Variants in KL observed in about 807,000 individuals in gnomAD.
KL encodes klotho.
In KL, 62 loss-of-function variants were observed where a neutral mutation model predicts 84.2. That is an observed-to-expected ratio of 0.74 (90% CI 0.60 to 0.91). The LOEUF (loss-of-function observed/expected upper bound fraction) is 0.91, where lower values mean the gene tolerates loss of function less well. KL is among the 40% of genes least tolerant of loss of function. The probability of loss-of-function intolerance (pLI) is 0.00; values close to 1 mark genes in which losing one functional copy is unlikely to be tolerated. For synonymous variants in KL, 528 were observed against 528.0 expected, an observed-to-expected ratio of 1.00 and a Z score of 0.00; for missense variants, 1,261 against 1,305.7, an observed-to-expected ratio of 0.97 and a Z score of 0.53.
chr13:33,060,335 A>T (rs566378966), intron 3 of KL, among the ~76,000 whole-genome samples: 1 of 152,102 alleles, frequency 6.6e-6, no homozygotes, highest in East Asian at 1.9e-4. Flanking sequence ...GATTTCTTAC[A>T]TTAAAAGAAA....
chr13:33,048,649 T>G (rs1448312935), intron 1 of KL, among the ~76,000 whole-genome samples: 1 of 152,202 alleles, frequency 6.6e-6, no homozygotes, highest in Non-Finnish European at 1.5e-5. Flanking sequence ...TTCTTCCTTT[T>G]CAGCTCAGCA....
chr13:33,047,561 C>T (rs1448576833), intron 1 of KL, among the ~76,000 whole-genome samples: 1 of 152,144 alleles, frequency 6.6e-6, no homozygotes, highest in Non-Finnish European at 1.5e-5. Flanking sequence ...AACTCCTGAC[C>T]TCGTGATCCA....
At chr13:33,060,648 G>A (rs751850147) in intron 3 of KL, 31 bp from the exon 4 acceptor site, 13 of 1,613,858 alleles carry the variant, frequency 8.1e-6, no homozygotes, top group Non-Finnish European at 1.0e-5. Context: ...GACTGCCCAG[G>A]TGACGCTAAT....
In KL at chr13:33,016,781, C is replaced by G. The variant is rs765806592; in HGVS notation, c.341C>G (p.Pro114Arg). Residue 114 changes from proline (P) to arginine (R), a missense_variant, in exon 1 of 5, where the codon CCG (proline) becomes CGG (arginine). Physicochemically the swap from Pro to Arg is moderately radical, Grantham distance 103. Coordinates refer to ENST00000380099, the MANE Select transcript of KL (RefSeq NM_004795.4). The part of the protein sequence containing the change: ...SRNASLPLGA[P>R]SPLQPATGDV... ...AACGCCAGTCTGCCGTTGGGCGCCC[C>G]GTCGCCGCTGCAGCCCGCCACCGGG... 13 of 1,611,810 alleles carry G rather than the reference C, an allele frequency of 8.1e-6. No individual in the cohort carries two copies. Among genetic ancestry groups the G allele is most frequent in the South Asian group, 1.1e-5 (1 of 90,960 alleles).
At chr13:33,040,504 C>T (rs1871300043) in intron 1 of KL, among the ~76,000 whole-genome samples, 2 of 152,232 alleles carry the variant, frequency 1.3e-5, no homozygotes, top group South Asian at 2.1e-4. Flanking sequence ...GGGCCCTTTT[C>T]TTAGATAGGG....
chr13:33,057,449 G>T (rs1008198922), intron 3 of KL, among the ~76,000 whole-genome samples: 3 of 152,190 alleles, frequency 2.0e-5, no homozygotes, highest in African/African-American at 4.8e-5. Flanking sequence ...GCAGTGAATA[G>T]CAAGGGAGAT....
chr13:33,041,190 A>T (rs911020011), intron 1 of KL, among the ~76,000 whole-genome samples: 1 of 152,056 alleles, frequency 6.6e-6, no homozygotes, highest in African/African-American at 2.4e-5. Context: ...CAATCACTCT[A>T]TGTACTGGGA....
intron 1 of KL, among the ~76,000 whole-genome samples, chr13:33,029,708 A>T (rs1870904585): frequency 6.6e-6 from 1 of 151,970 alleles, no homozygotes; most frequent in Non-Finnish European, 1.5e-5. Context: ...ATCTCGGCTC[A>T]CTCCAAGCTC....
rs531999792 is a variant in KL, at chr13:33,038,426, T to C, written c.820-15341T>C. Among the ~76,000 whole-genome samples the C allele has an allele frequency of 2.0e-5, 3 of 152,332 alleles. No homozygotes were observed. In the South Asian group the frequency reaches 6.2e-4, roughly 32 times the overall value. ...GGATATTTTAAAGGCTCTTTTCCCC[T>C]AACCCATCTGCCCCAGAGGTGGCAC... On this transcript the variant is annotated intron_variant, in intron 1 of 4. Transcript: ENST00000380099.
In KL at chr13:33,053,832, C is replaced by G. The variant is rs1428482015; in HGVS notation, c.885C>G (p.Ser295=). The G allele has an allele frequency of 1.2e-6, 2 of 1,613,936 alleles. No individual in the cohort carries two copies. The highest frequency in any genetic ancestry group is 1.7e-5 in the Admixed American group (1 of 60,002). The part of the protein sequence containing the change: ...SFRPTQGGQV[S]IALSSHWINP... ...GTCCCACTCAGGGAGGTCAGGTGTC[C>G]ATTGCCCTAAGCTCTCACTGGATCA... Residue 295 remains serine (S), a synonymous_variant, in exon 2 of 5, where the codon TCC becomes TCG. Transcript: ENST00000380099.
At chr13:33,017,432 T>G (rs1041529659) in intron 1 of KL, among the ~76,000 whole-genome samples, 173 bp downstream of exon 1, 1 of 152,180 alleles carries the variant, frequency 6.6e-6, no homozygotes, top group African/African-American at 2.4e-5. Flanking sequence ...GGCGTGGAAT[T>G]AGGAGAGAAA....
At chr13:33,057,487 T>C (rs964011924) in intron 3 of KL, among the ~76,000 whole-genome samples, 4 of 152,136 alleles carry the variant, frequency 2.6e-5, no homozygotes, top group African/African-American at 7.2e-5. Flanking sequence ...CCTACTACAC[T>C]CTAGAAGCTA....
intron 1 of KL, among the ~76,000 whole-genome samples, chr13:33,032,932 T>C (rs1331117025): frequency 6.6e-6 from 1 of 151,664 alleles, no homozygotes; most frequent in Admixed American, 6.5e-5. Context: ...TTCCTTCCTC[T>C]GAATCGCCAT....
chr13:33,030,076 G>A (rs1870921712), intron 1 of KL, among the ~76,000 whole-genome samples: 2 of 152,100 alleles, frequency 1.3e-5, no homozygotes, highest in Admixed American at 6.5e-5. Context: ...AGAGACAAAA[G>A]GAGGCTGAAC....
chr13:33,018,915 G>T (rs1053343781), intron 1 of KL, among the ~76,000 whole-genome samples: 1 of 152,094 alleles, frequency 6.6e-6, no homozygotes, highest in Admixed American at 6.5e-5. Context: ...AAAGACTTGC[G>T]TGCTCTCTGG....
intron 3 of KL, among the ~76,000 whole-genome samples, chr13:33,060,337 T>TA (rs1293800574): frequency 1.3e-5 from 2 of 152,196 alleles, no homozygotes; most frequent in African/African-American, 4.8e-5. Context: ...TTTCTTACAT[T>TA]AAAAGAAAAA....
intron 3 of KL, among the ~76,000 whole-genome samples, chr13:33,056,195 C>A (rs1211514236): frequency 6.6e-6 from 1 of 152,106 alleles, no homozygotes; most frequent in Non-Finnish European, 1.5e-5. Flanking sequence ...GGGATTGCTG[C>A]TGATAGAGTC....
intron 1 of KL, among the ~76,000 whole-genome samples, chr13:33,027,544 C>T (rs557412344): frequency 2.0e-5 from 3 of 152,302 alleles, no homozygotes; most frequent in East Asian, 1.9e-4. Context: ...TATATTGAGC[C>T]TTTAACTGTT....
chr13:33,063,776 CAAAAA>C, intron 4 of KL, 68 bp from the exon 5 acceptor site: 1 of 1,167,616 alleles, frequency 8.6e-7, no homozygotes, highest in Non-Finnish European at 1.2e-6. Flanking sequence ...GACTCCGTCT[CAAAAA>C]AAAAAAAAAG....
Sources: allele counts gnomAD v4.1 joint callset (sites outside exome capture counted in the v4.1 genomes callset), GRCh38; gene constraint gnomAD v4.1.1; transcripts MANE v1.5; gene names NCBI Gene and HGNC (gene_info 2026-07-23, HGNC 2026-07-21).